The following ZMIZ1 variants were observed in gnomAD, a reference collection of about 807,000 sequenced individuals.
ZMIZ1 encodes the protein zinc finger MIZ-type containing 1.
In ZMIZ1, 17 loss-of-function variants were observed where a neutral mutation model predicts 113.9. The ratio of observed to expected loss-of-function variants is 0.15; its 90% CI spans 0.10 to 0.22. The LOEUF is 0.22. Among genes scored for constraint, ZMIZ1 ranks in the 10% least tolerant of loss-of-function variants. ZMIZ1 has a pLI of 1.00. For synonymous variants in ZMIZ1, 607 were observed against 603.1 expected, an observed-to-expected ratio of 1.01 and a Z score of -0.09; for missense variants, 1,059 against 1,477.8, an observed-to-expected ratio of 0.72 and a Z score of 4.65.
chr10:79,158,684 G>A (rs144435424), intron 3 of ZMIZ1, among the ~76,000 whole-genome samples: 246 of 152,314 alleles, frequency 1.6e-3, no homozygotes, highest in African/African-American at 5.4e-3. Flanking sequence ...CAACATGACC[G>A]AGTGCCTCCA....
At chr10:79,146,390 G>C (rs921533754) in intron 3 of ZMIZ1, among the ~76,000 whole-genome samples, 1 of 152,172 alleles carries the variant, frequency 6.6e-6, no homozygotes, top group African/African-American at 2.4e-5. Flanking sequence ...AGGCAGAGCC[G>C]CTCCTGCTGA....
intron 14 of ZMIZ1, 85 bp from the exon 15 acceptor site, chr10:79,298,321 G>C (rs1854045446): frequency 6.9e-7 from 1 of 1,443,094 alleles, no homozygotes; most frequent in Non-Finnish European, 9.3e-7. Flanking sequence ...CAGGCCCCTG[G>C]GATGAGTGCG....
intron 7 of ZMIZ1, among the ~76,000 whole-genome samples, chr10:79,222,073 G>A (rs566206987): frequency 7.9e-5 from 12 of 152,384 alleles, no homozygotes; most frequent in African/African-American, 2.6e-4. Flanking sequence ...CACTGAGGAA[G>A]AGGCCAGCTT....
chr10:79,240,740 C>G (rs149665575), intron 7 of ZMIZ1, among the ~76,000 whole-genome samples: 1 of 148,540 alleles, frequency 6.7e-6, no homozygotes, highest in Non-Finnish European at 1.5e-5. Flanking sequence ...TCCAGCCCCA[C>G]CCTATGACTT....
chr10:79,155,841 G>A (rs1845884192), intron 3 of ZMIZ1, among the ~76,000 whole-genome samples: 1 of 152,264 alleles, frequency 6.6e-6, no homozygotes, highest in Admixed American at 6.5e-5. Flanking sequence ...CTTTGCCCAG[G>A]GAGAGGTACC....
At chr10:79,237,557 C>G (rs1433404234) in intron 7 of ZMIZ1, among the ~76,000 whole-genome samples, 1 of 152,174 alleles carries the variant, frequency 6.6e-6, no homozygotes, top group Admixed American at 6.5e-5. Flanking sequence ...CTGGTAGTTT[C>G]TTGGCTTGTG....
chr10:79,098,513 G>A (rs1843247985), intron 1 of ZMIZ1, among the ~76,000 whole-genome samples: 1 of 152,194 alleles, frequency 6.6e-6, no homozygotes, highest in South Asian at 2.1e-4. Context: ...GAGCATAAAT[G>A]AATTAATACT....
At chr10:79,230,318 G>A (rs543686124) in intron 7 of ZMIZ1, among the ~76,000 whole-genome samples, 14 of 152,114 alleles carry the variant, frequency 9.2e-5, no homozygotes, top group African/African-American at 3.4e-4. Context: ...CATCTGCAGC[G>A]TCTGCTCTAG....
At chr10:79,197,357 G>T (rs1396364192) in intron 4 of ZMIZ1, among the ~76,000 whole-genome samples, 1 of 152,160 alleles carries the variant, frequency 6.6e-6, no homozygotes, top group Non-Finnish European at 1.5e-5. Flanking sequence ...ATGGGGCCTG[G>T]CACCAGGAAC....
At position 79,069,780 on chromosome 10, in the gene ZMIZ1, T is replaced by A. The variant is rs1347883191; in HGVS notation, c.-337+510T>A. Among the ~76,000 whole-genome samples, 3 of 152,186 alleles carry A rather than the reference T, an allele frequency of 2.0e-5. No individual in the cohort carries two copies. Among genetic ancestry groups the A allele is most frequent in the Non-Finnish European group, 2.9e-5 (2 of 68,030 alleles). On this transcript the variant is annotated intron_variant, in intron 1 of 24. Coordinates refer to ENST00000334512, the MANE Select transcript of ZMIZ1 (RefSeq NM_020338.4). The surrounding 1 kb of genome is among the most constrained non-coding windows in gnomAD (Gnocchi z 4.6). ...GGGTGGTGGTGTTAACTTGTGCGTCTGAATTTCCAGGGAAAACATACACTT... is the reference window on the plus strand; with the variant it reads ...GGGTGGTGGTGTTAACTTGTGCGTCAGAATTTCCAGGGAAAACATACACTT...
At chr10:79,238,670 A>G (rs1849692179) in intron 7 of ZMIZ1, among the ~76,000 whole-genome samples, 1 of 152,192 alleles carries the variant, frequency 6.6e-6, no homozygotes, top group South Asian at 2.1e-4. Flanking sequence ...TCTGGATCCT[A>G]GACTCCCACC....
chr10:79,221,113 C>G (rs1848948718), intron 7 of ZMIZ1, among the ~76,000 whole-genome samples: 1 of 152,170 alleles, frequency 6.6e-6, no homozygotes, highest in Non-Finnish European at 1.5e-5. Context: ...GGCGCTGCAT[C>G]CCCCTTCTGT....
rs550655890 is a variant in ZMIZ1, at chr10:79,192,632, C to A, written c.-49-8952C>A. On this transcript the variant is annotated intron_variant, in intron 4 of 24. Coordinates refer to ENST00000334512, the MANE Select transcript of ZMIZ1 (RefSeq NM_020338.4). ...ATTCTGAAGAGTTGTGGTCCGAATG[C>A]AGAATTTCACTTTTTAAAACACTGT... 3.3e-5 allele frequency among the ~76,000 whole-genome samples: 5 copies of A among 152,338 alleles called. No individual in the cohort carries two copies. In the South Asian group the frequency reaches 8.3e-4, roughly 25 times the overall value.
chr10:79,239,442 C>A (rs1275468490), intron 7 of ZMIZ1, among the ~76,000 whole-genome samples: 1 of 152,206 alleles, frequency 6.6e-6, no homozygotes, highest in Non-Finnish European at 1.5e-5. Context: ...GTGGCTGGGG[C>A]CTCCTTGTCC....
chr10:79,214,929 A>G (rs1007116086), intron 6 of ZMIZ1, among the ~76,000 whole-genome samples: 1 of 152,212 alleles, frequency 6.6e-6, no homozygotes, highest in Non-Finnish European at 1.5e-5. Context: ...GAGCGGCAAC[A>G]GCTTGCAAAG....
At chr10:79,243,301 C>T (rs1319791223) in intron 7 of ZMIZ1, among the ~76,000 whole-genome samples, 3 of 150,322 alleles carry the variant, frequency 2.0e-5, no homozygotes, top group African/African-American at 7.3e-5. Flanking sequence ...CATCCCCGTC[C>T]CTGGAGAGCT....
chr10:79,200,928 C>G (rs185168593), intron 4 of ZMIZ1, among the ~76,000 whole-genome samples: 35 of 152,314 alleles, frequency 2.3e-4, no homozygotes, highest in Admixed American at 1.0e-3. Context: ...CACGTACACA[C>G]ACACACGTGG....
intron 1 of ZMIZ1, among the ~76,000 whole-genome samples, chr10:79,073,920 T>C (rs1049861519): frequency 6.6e-6 from 1 of 152,302 alleles, no homozygotes; most frequent in Middle Eastern, 3.4e-3. Context: ...AGACCAGAAC[T>C]GTGGAAGACA....
intron 4 of ZMIZ1, among the ~76,000 whole-genome samples, chr10:79,199,953 A>G (rs571925874): frequency 6.6e-6 from 1 of 152,366 alleles, no homozygotes; most frequent in South Asian, 2.1e-4. Context: ...GCAGACAGGC[A>G]GACAGGCAGG....
Sources: allele counts gnomAD v4.1 joint callset (sites outside exome capture counted in the v4.1 genomes callset), GRCh38; gene constraint gnomAD v4.1.1; non-coding constraint Gnocchi (gnomAD v3.1); transcripts MANE v1.5; gene names NCBI Gene and HGNC (gene_info 2026-07-23, HGNC 2026-07-21).